The following LRP1B variants were observed in gnomAD, a reference collection of about 807,000 sequenced individuals.
LRP1B encodes LDL receptor related protein 1B.
A neutral mutation model predicts 556.6 loss-of-function variants in LRP1B; 217 were observed. The ratio of observed to expected loss-of-function variants is 0.39; its 90% CI spans 0.35 to 0.44. LRP1B has a LOEUF of 0.44. Ranked by LOEUF, LRP1B falls within the 20% of genes least tolerant of loss-of-function variation. The pLI, the probability that LRP1B is intolerant of heterozygous loss-of-function variation, is 1.00. For synonymous variants in LRP1B, 2,047 were observed against 1,865.8 expected (o/e 1.10, Z -2.50); for missense variants, 5,053 against 5,620.8 (o/e 0.90, Z 3.23).
chr2:140,473,630 T>A (rs1205097409), intron 60 of LRP1B, among the ~76,000 whole-genome samples: 2 of 151,912 alleles, frequency 1.3e-5, no homozygotes, highest in African/African-American at 4.8e-5. Flanking sequence ...CTATTCAGAC[T>A]TCAAAGACTC....
At chr2:141,758,879 T>C (rs757820137) in intron 2 of LRP1B, among the ~76,000 whole-genome samples, 4 of 152,176 alleles carry the variant, frequency 2.6e-5, no homozygotes, top group Non-Finnish European at 5.9e-5. Context: ...GGAGTGCTGA[T>C]AAAATTATTC....
intron 72 of LRP1B, among the ~76,000 whole-genome samples, chr2:140,360,289 T>C (rs186930317): frequency 8.6e-5 from 13 of 151,584 alleles, no homozygotes; most frequent in African/African-American, 2.9e-4. Context: ...CTTAAATATG[T>C]TACACTCCAT....
In LRP1B at chr2:140,315,026, G is replaced by C. The variant is rs139773250; in HGVS notation, c.12714C>G (p.His4238Gln). The C allele has an allele frequency of 6.2e-7, 1 of 1,611,792 alleles. No individual in the cohort carries two copies. Among genetic ancestry groups the C allele is most frequent in the Non-Finnish European group, 8.5e-7 (1 of 1,178,672 alleles). Residue 4238 changes from histidine to glutamine, a missense_variant, in exon 83 of 91, where the codon CAC (histidine) becomes CAG (glutamine). His to Gln is a conservative substitution (Grantham distance 24). Transcript: ENST00000389484. Reference sequence around the variant, plus strand: ...TTTCTCCTGAATAACTGGGCCAACAGTGACACCTCAAATCACCTTTCTCAT... The same window carrying C: ...TTTCTCCTGAATAACTGGGCCAACACTGACACCTCAAATCACCTTTCTCAT... Reference protein sequence around the residue: ...ILNEKGDLRCHCWPSYSGERC... With the variant: ...ILNEKGDLRCQCWPSYSGERC...
intron 2 of LRP1B, among the ~76,000 whole-genome samples, chr2:141,514,370 T>C (rs765327152): frequency 5.9e-5 from 9 of 152,172 alleles, no homozygotes; most frequent in African/African-American, 2.2e-4. Context: ...TGAACATGCA[T>C]GTTCTAGTTG....
chr2:140,978,802 T>C (rs1371077405), intron 18 of LRP1B, among the ~76,000 whole-genome samples: 1 of 152,146 alleles, frequency 6.6e-6, no homozygotes. Flanking sequence ...AGGTAAAACA[T>C]GTTTCCTTGG....
At chr2:140,299,818 A>C (rs1298986133) in intron 83 of LRP1B, among the ~76,000 whole-genome samples, 1 of 152,186 alleles carries the variant, frequency 6.6e-6, no homozygotes, top group Admixed American at 6.6e-5. Context: ...AAAAATTACC[A>C]TGAGCAAAAC....
At chr2:140,247,508 G>A (rs941791364) in intron 86 of LRP1B, among the ~76,000 whole-genome samples, 19 of 151,644 alleles carry the variant, frequency 1.3e-4, no homozygotes, top group African/African-American at 3.9e-4. Flanking sequence ...TACAAAAATT[G>A]AGTTTGCATA....
intron 41 of LRP1B, among the ~76,000 whole-genome samples, chr2:140,631,544 C>G (rs999419411): frequency 1.3e-5 from 2 of 152,138 alleles, no homozygotes; most frequent in African/African-American, 4.8e-5. Flanking sequence ...ATCAGTTAGA[C>G]TGAATACAGC....
chr2:141,250,608 G>A (rs1330418441), intron 4 of LRP1B, among the ~76,000 whole-genome samples: 5 of 152,098 alleles, frequency 3.3e-5, no homozygotes, highest in African/African-American at 1.2e-4. Flanking sequence ...TGGTTATAGT[G>A]AATGACTACA....
chr2:141,773,822 T>C (rs1158492342), intron 2 of LRP1B, among the ~76,000 whole-genome samples: 7 of 152,226 alleles, frequency 4.6e-5, no homozygotes, highest in Non-Finnish European at 1.0e-4. Context: ...TGGTGGGTTA[T>C]GCGTGTGCAA....
intron 11 of LRP1B, among the ~76,000 whole-genome samples, chr2:141,040,547 C>T (rs893046646): frequency 2.6e-5 from 4 of 151,944 alleles, no homozygotes; most frequent in Non-Finnish European, 5.9e-5. Flanking sequence ...ATGTGCCTGT[C>T]CTAGGGTTAT....
At chr2:140,619,228 C>T (rs1683366787) in intron 41 of LRP1B, among the ~76,000 whole-genome samples, 1 of 152,018 alleles carries the variant, frequency 6.6e-6, no homozygotes, top group South Asian at 2.1e-4. Context: ...TGACCTCAAG[C>T]TCATCAACAA....
At chr2:141,748,525 C>T (rs1693993109) in intron 2 of LRP1B, among the ~76,000 whole-genome samples, 1 of 152,168 alleles carries the variant, frequency 6.6e-6, no homozygotes, top group African/African-American at 2.4e-5. Flanking sequence ...TACATCTGAA[C>T]ACAGCCAGAT....
chr2:141,347,536 T>A (rs1688298747), intron 3 of LRP1B, among the ~76,000 whole-genome samples: 1 of 152,002 alleles, frequency 6.6e-6, no homozygotes, highest in Admixed American at 6.6e-5. Flanking sequence ...TATTGAGCTT[T>A]ACAACAAACT....
chr2:141,222,213 A>G (rs75990956), intron 6 of LRP1B, among the ~76,000 whole-genome samples: 1 of 152,238 alleles, frequency 6.6e-6, no homozygotes, highest in Non-Finnish European at 1.5e-5. Flanking sequence ...AGATATAACC[A>G]CTGATCTTAC....
At chr2:140,689,117 A>C (rs1406018116) in intron 41 of LRP1B, among the ~76,000 whole-genome samples, 1 of 152,242 alleles carries the variant, frequency 6.6e-6, no homozygotes, top group African/African-American at 2.4e-5. Flanking sequence ...GTTAAAGCAA[A>C]CTAAATATGG....
chr2:140,454,418 TG>T (rs1317588238), intron 62 of LRP1B, among the ~76,000 whole-genome samples: 1 of 152,200 alleles, frequency 6.6e-6, no homozygotes, highest in South Asian at 2.1e-4. Flanking sequence ...CCCAAAGTGC[TG>T]GGATTACAGG....
At chr2:141,373,235 C>T (rs1255650555) in intron 3 of LRP1B, among the ~76,000 whole-genome samples, 1 of 151,948 alleles carries the variant, frequency 6.6e-6, no homozygotes, top group Non-Finnish European at 1.5e-5. Context: ...TCAATTTTTA[C>T]AAATTTTTAA....
intron 3 of LRP1B, among the ~76,000 whole-genome samples, chr2:141,379,693 G>T (rs1163261777): frequency 1.3e-5 from 2 of 152,096 alleles, no homozygotes; most frequent in Non-Finnish European, 2.9e-5. Context: ...TATGGGACTG[G>T]ATTCTAACTC....
Sources: allele counts gnomAD v4.1 joint callset (sites outside exome capture counted in the v4.1 genomes callset), GRCh38; gene constraint gnomAD v4.1.1; transcripts MANE v1.5; gene names NCBI Gene and HGNC (gene_info 2026-07-23, HGNC 2026-07-21).